UBR4: variants seen among roughly 807,000 people sequenced by gnomAD.
UBR4 encodes E3 ubiquitin-protein ligase UBR4.
A neutral mutation model predicts 575.6 loss-of-function variants in UBR4; 124 were observed. That is an observed-to-expected ratio of 0.22 (90% CI 0.19 to 0.25). The LOEUF (loss-of-function observed/expected upper bound fraction) is 0.25. UBR4 is among the 10% of genes least tolerant of loss of function. UBR4 has a pLI of 1.00. For missense variants in UBR4, 4,818 were observed against 6,478.8 expected, an observed-to-expected ratio of 0.74 and a Z score of 8.80; for synonymous variants, 2,455 against 2,473.7, an observed-to-expected ratio of 0.99 and a Z score of 0.22.
chr1:19,122,028 A>G lies in UBR4; in HGVS notation c.9817-16T>C. 6.2e-7 allele frequency: 1 copy of G among 1,613,752 alleles called. No individual in the cohort carries two copies. The highest frequency in any genetic ancestry group is 8.5e-7 in the Non-Finnish European group (1 of 1,179,848). The stretch of plus-strand genomic sequence containing the variant: ...GGTGCTCCATCTGAAATAGGAACCA[A>G]CCACGGGAAAGGAGTAACTCCACCA... On this transcript the variant is annotated splice_polypyrimidine_tract_variant and intron_variant, in intron 66 of 105. Transcript: ENST00000375254.
Position 19,104,066 on chromosome 1 carries a change from G to A in UBR4, c.12901+18C>T. On this transcript the variant is annotated intron_variant, in intron 87 of 105. Transcript: ENST00000375254. ...GAAGGGACAGTGCCTTAGGCTCCAG[G>A]CCACTGGGCAGTGCTACCTGTGGTC... is the stretch of plus-strand genomic sequence containing the variant. The A allele has an allele frequency of 3.1e-6, 5 of 1,613,176 alleles. No individual in the cohort carries two copies. Among genetic ancestry groups the A allele is most frequent in the Non-Finnish European group, 4.2e-6 (5 of 1,179,496 alleles).
At position 19,202,405 on chromosome 1, in the gene UBR4, T is replaced by C. The variant is rs565493662; in HGVS notation, c.177-590A>G. On this transcript the variant is annotated intron_variant, in intron 1 of 105. Transcript: ENST00000375254. ...ACAGCTAATATGCCTTCATTATTGATAGCCAAAAAGGGGCAGACCAGAATA... is the reference window on the plus strand; with the variant it reads ...ACAGCTAATATGCCTTCATTATTGACAGCCAAAAAGGGGCAGACCAGAATA... 3.9e-5 allele frequency among the ~76,000 whole-genome samples: 6 copies of C among 152,278 alleles called. No homozygotes were observed. The South Asian group carries it at 1.2e-3, about 32-fold the overall frequency.
intron 73 of UBR4, among the ~76,000 whole-genome samples, chr1:19,116,935 C>CA (rs1260050777): frequency 6.6e-6 from 1 of 152,086 alleles, no homozygotes; most frequent in Non-Finnish European, 1.5e-5. Context: ...TTAAAATGGG[C>CA]ATGAGAAGCC....
In UBR4 at chr1:19,100,507, G is replaced by A; in HGVS notation, c.13090C>T (p.Gln4364Ter). 6.2e-7 allele frequency: 1 copy of A among 1,614,082 alleles called. No individual in the cohort carries two copies. The highest frequency in any genetic ancestry group is 2.2e-5 in the East Asian group (1 of 44,836). Residue 4364 changes from glutamine to a stop codon, truncating the protein, a stop_gained, in exon 89 of 106, where the codon CAG becomes TAG. Coordinates refer to ENST00000375254, the MANE Select transcript of UBR4 (RefSeq NM_020765.3). LOFTEE classifies it high-confidence loss of function. The surrounding 1 kb of genome is among the most constrained non-coding windows in gnomAD (Gnocchi z 4.2). ...EKDPQQEDFLQGRMPGNPYSS... is the reference protein window; with the variant it reads ...EKDPQQEDFL ...TACGGGTTCCCAGGCATCCTGCCCTGTAAGAAGTCTTCTTGTTGGGGATCC... is the reference window on the plus strand; with the variant it reads ...TACGGGTTCCCAGGCATCCTGCCCTATAAGAAGTCTTCTTGTTGGGGATCC...
Position 19,160,252 on chromosome 1 carries a change from T to C in UBR4, c.5436A>G (p.Leu1812=), listed in dbSNP as rs765155276. 6.2e-7 allele frequency: 1 copy of C among 1,606,878 alleles called. No homozygotes were observed. Among genetic ancestry groups the C allele is most frequent in the Non-Finnish European group, 8.5e-7 (1 of 1,178,610 alleles). ...CATCCATAAGGAAATTAAGCATGTC[T>C]AACACGAGAGGAGCGAAGGAGAAAT... The part of the protein sequence containing the change: ...QANFSFAPLV[L]DMLNFLMDAI... Residue 1812 remains leucine (L), a synonymous_variant, in exon 39 of 106, where the codon TTA becomes TTG. Coordinates refer to ENST00000375254, the MANE Select transcript of UBR4 (RefSeq NM_020765.3).
chr1:19,101,340 T>C (rs536573304), intron 88 of UBR4, among the ~76,000 whole-genome samples, 180 bp downstream of exon 88: 2 of 152,314 alleles, frequency 1.3e-5, no homozygotes, highest in South Asian at 4.1e-4. Context: ...TGTCCCATCG[T>C]TAGCAAGAGG....
intron 90 of UBR4, among the ~76,000 whole-genome samples, chr1:19,097,604 A>C (rs1296552362): frequency 1.3e-5 from 2 of 152,244 alleles, no homozygotes; most frequent in African/African-American, 4.8e-5. Flanking sequence ...ATGCTAATTA[A>C]GTACTTTCTA....
At chr1:19,167,562 C>A (rs570962473) in intron 28 of UBR4, among the ~76,000 whole-genome samples, 1 of 152,266 alleles carries the variant, frequency 6.6e-6, no homozygotes, top group South Asian at 2.1e-4. Flanking sequence ...CCCAGACAAG[C>A]CTTCTAGAAG....
At chr1:19,079,629 G>A (rs1433224155) in intron 103 of UBR4, 2 of 152,248 alleles carry the variant, frequency 1.3e-5, no homozygotes, top group African/African-American at 4.8e-5. Flanking sequence ...CAGGACTTAG[G>A]ACAAAGCCTG....
intron 64 of UBR4, chr1:19,125,473 C>G (rs968341685): frequency 6.6e-6 from 1 of 152,126 alleles, no homozygotes; most frequent in Non-Finnish European, 1.5e-5. Context: ...GGAAGTTTTC[C>G]CAAGGATCCA....
chr1:19,119,522 C>A, intron 70 of UBR4, 35 bp downstream of exon 70: 1 of 1,594,188 alleles, frequency 6.3e-7, no homozygotes, highest in Non-Finnish European at 8.6e-7. Context: ...TTAAATATGG[C>A]AAGTTGGCCC....
At chr1:19,193,679 C>CATTA (rs1334083713) in intron 8 of UBR4, 122 bp from the exon 9 acceptor site, 2 of 1,288,258 alleles carry the variant, frequency 1.6e-6, no homozygotes, top group Non-Finnish European at 2.1e-6. Flanking sequence ...AAATAAATGC[C>CATTA]ATTAAGAGCA....
At position 19,165,762 on chromosome 1, in the gene UBR4, G is replaced by C. The variant is rs567455479; in HGVS notation, c.4110-5C>G. On this transcript the variant is annotated splice_region_variant and splice_polypyrimidine_tract_variant and intron_variant, in intron 29 of 105. Transcript: ENST00000375254. ...AGGATGGATTCATCCAGTCCACTGA[G>C]GATCAAACGGAAAACTTAACCACCA... is the stretch of plus-strand genomic sequence containing the variant. 8.7e-6 allele frequency: 14 copies of C among 1,608,332 alleles called. No homozygotes were observed. Among genetic ancestry groups the C allele is most frequent in the Admixed American group, 8.5e-5 (5 of 58,600 alleles).
intron 14 of UBR4, among the ~76,000 whole-genome samples, chr1:19,185,639 T>C (rs2091457398): frequency 6.7e-6 from 1 of 149,118 alleles, no homozygotes; most frequent in Non-Finnish European, 1.5e-5. Context: ...AGTGGTGCAA[T>C]ATTGGCTCGC....
rs192088319 is a variant in UBR4 at position 19,139,054 on chromosome 1, G to A, written c.8731+29C>T. On this transcript the variant is annotated intron_variant, in intron 59 of 105. Coordinates refer to ENST00000375254, the MANE Select transcript of UBR4 (RefSeq NM_020765.3). The surrounding 1 kb of genome is among the most constrained non-coding windows in gnomAD (Gnocchi z 4.2). Reference sequence around the variant, plus strand: ...GTTTTGTCCCCACCCTCTGCCCAAGGAGACAGGACCCCCGCCATGGCACAT... The same window carrying A: ...GTTTTGTCCCCACCCTCTGCCCAAGAAGACAGGACCCCCGCCATGGCACAT... 8.4e-5 allele frequency: 133 copies of A among 1,587,314 alleles called. 1 individual carries two copies. The East Asian group carries it at 2.7e-3, about 32-fold the overall frequency.
intron 41 of UBR4, 138 bp from the exon 42 acceptor site, chr1:19,156,561 A>G: frequency 7.8e-7 from 1 of 1,277,046 alleles, no homozygotes. Flanking sequence ...AGTAACATTC[A>G]GGTTTCATGA....
intron 1 of UBR4, 32 bp downstream of exon 1, chr1:19,210,041 C>G: frequency 6.6e-7 from 1 of 1,522,008 alleles, no homozygotes; most frequent in Non-Finnish European, 8.8e-7. Flanking sequence ...CCCCCCACAA[C>G]AGCGTCGCCC....
intron 8 of UBR4, 143 bp from the exon 9 acceptor site, chr1:19,193,700 G>T: frequency 1.7e-6 from 2 of 1,167,538 alleles, no homozygotes; most frequent in East Asian, 2.6e-5. Flanking sequence ...AGACTAAATA[G>T]GTTTACCATA....
chr1:19,105,479 T>C (rs1160725208), intron 84 of UBR4, among the ~76,000 whole-genome samples: 2 of 152,226 alleles, frequency 1.3e-5, no homozygotes, highest in African/African-American at 4.8e-5. Context: ...ATGCCAAGCA[T>C]TTATGCACTC....
Sources: gnomAD v4.1 joint callset for allele counts (sites outside exome capture counted in the v4.1 genomes callset) on GRCh38, gnomAD v4.1.1 for gene constraint, Gnocchi (gnomAD v3.1) non-coding constraint, MANE v1.5 for transcripts, NCBI Gene and HGNC (gene_info 2026-07-23, HGNC 2026-07-21) for gene names.